Variants in SRPRB observed in about 807,000 individuals in gnomAD.
SRPRB encodes SRP receptor subunit beta.
In SRPRB, 20 loss-of-function variants were observed where a neutral mutation model predicts 31.9. The ratio of observed to expected loss-of-function variants is 0.63; its 90% CI spans 0.44 to 0.91. The LOEUF is 0.91. Ranked by LOEUF, SRPRB falls within the 40% of genes least tolerant of loss-of-function variation. The probability of loss-of-function intolerance (pLI) is 0.00; values close to 1 mark genes in which losing one functional copy is unlikely to be tolerated. For synonymous variants in SRPRB, 146 were observed against 132.8 expected, an observed-to-expected ratio of 1.10 and a Z score of -0.68; for missense variants, 321 against 324.9, an observed-to-expected ratio of 0.99 and a Z score of 0.09.
downstream of SRPRB, chr3:133,825,100 G>C (rs1369249140): frequency 6.6e-6 from 1 of 152,160 alleles, no homozygotes; most frequent in East Asian, 1.9e-4. Flanking sequence ...GATGCACACA[G>C]ACATCCTTCT....
chr3:133,827,508 G>A (rs1412400328), downstream of SRPRB: 1 of 201,148 alleles, frequency 5.0e-6, no homozygotes, highest in African/African-American at 2.3e-5. Flanking sequence ...ATCAAAAATG[G>A]AAGAGATGGC....
downstream of SRPRB, among the ~76,000 whole-genome samples, chr3:133,821,877 C>A (rs1185721278): frequency 1.3e-5 from 2 of 152,082 alleles, no homozygotes. Context: ...GGGCACACAC[C>A]CTGCTGAGTT....
chr3:133,811,236 C>T, intron 4 of SRPRB, 37 bp downstream of exon 4: 3 of 1,593,412 alleles, frequency 1.9e-6, no homozygotes, highest in Non-Finnish European at 1.7e-6. Context: ...TTGTCTAGGT[C>T]TGTATCTGTA....
chr3:133,816,968 TCTTAACA>T (rs1376042208), intron 6 of SRPRB, 36 bp downstream of exon 6: 1 of 1,548,784 alleles, frequency 6.5e-7, no homozygotes, highest in Non-Finnish European at 8.9e-7. Flanking sequence ...TAATTATATA[TCTTAACA>T]CTTAGACTGT....
chr3:133,797,148 A>C (rs2107960978), intron 1 of SRPRB, among the ~76,000 whole-genome samples: 1 of 152,352 alleles, frequency 6.6e-6, no homozygotes, highest in African/African-American at 2.4e-5. Flanking sequence ...CTAATTTATA[A>C]CATCTAGTCT....
At chr3:133,797,952 G>A (rs1935002952) in intron 1 of SRPRB, among the ~76,000 whole-genome samples, 1 of 152,158 alleles carries the variant, frequency 6.6e-6, no homozygotes. Flanking sequence ...AGGGTGAAGG[G>A]AAGGGCTTTT....
At chr3:133,807,864 TTACTG>T (rs1413227072) in intron 3 of SRPRB, 41 bp downstream of exon 3, 32 of 1,492,560 alleles carry the variant, frequency 2.1e-5, no homozygotes, top group Non-Finnish European at 2.8e-5. Flanking sequence ...CAGTCTTACT[TTACTG>T]TGGTGTGTCA....
chr3:133,800,730 G>A (rs1443327823), intron 1 of SRPRB, among the ~76,000 whole-genome samples: 1 of 152,238 alleles, frequency 6.6e-6, no homozygotes, highest in African/African-American at 2.4e-5. Flanking sequence ...AGGCAGGGAT[G>A]TGAAGCAGGA....
intron 4 of SRPRB, among the ~76,000 whole-genome samples, chr3:133,812,659 C>A (rs1407836442): frequency 6.6e-6 from 1 of 152,144 alleles, no homozygotes; most frequent in Non-Finnish European, 1.5e-5. Flanking sequence ...TGAACATATG[C>A]TGTTGCTGTT....
In SRPRB at chr3:133,819,913, T is replaced by C; in HGVS notation, c.*147T>C. On this transcript the variant is annotated 3_prime_UTR_variant, in exon 7 of 7. Coordinates refer to ENST00000678299, the MANE Select transcript of SRPRB (RefSeq NM_001379313.1). ...GAAACAAAGTACTGTTGAAACCAGC[T>C]TGGAATTTTTTTTTTTTTTTTTTTT... The C allele has an allele frequency of 1.4e-6, 1 of 729,500 alleles. No individual in the cohort carries two copies. Among genetic ancestry groups the C allele is most frequent in the Non-Finnish European group, 2.2e-6 (1 of 461,890 alleles). The allele number at this position is 729,500 out of a possible 1,614,324, so 45.2% of individuals were successfully genotyped here.
chr3:133,791,801 A>T (rs1043820590), intron 1 of SRPRB: 1 of 152,160 alleles, frequency 6.6e-6, no homozygotes, highest in Non-Finnish European at 1.5e-5. Context: ...TGGCTTAGGG[A>T]ATGAGTCCTT....
chr3:133,789,053 G>A (rs1334023737), intron 1 of SRPRB: 1 of 152,284 alleles, frequency 6.6e-6, no homozygotes, highest in Non-Finnish European at 1.5e-5. Flanking sequence ...CGGCACTGGT[G>A]CCCACGTAAG....
At chr3:133,826,124 C>T (rs560994837), downstream of SRPRB, 3 of 152,306 alleles carry the variant, frequency 2.0e-5, no homozygotes, top group South Asian at 4.1e-4. Context: ...GGGCGGAAAC[C>T]GCACGTGCCG....
rs776180109 is a variant in SRPRB at position 133,815,665 on chromosome 3, C to T, written c.486C>T (p.Val162=). Residue 162 remains valine, a synonymous_variant, in exon 5 of 7, where the codon GTC becomes GTT. Transcript: ENST00000678299. ...VKDVAEFLYQ[V]LIDSMGLKNT... Reference sequence around the variant, plus strand: ...ATGTGGCTGAGTTTCTGTATCAAGTCCTCATTGACAGTATGGGTCTGAAGA... The same window carrying T: ...ATGTGGCTGAGTTTCTGTATCAAGTTCTCATTGACAGTATGGGTCTGAAGA... The T allele has an allele frequency of 1.4e-5, 23 of 1,613,806 alleles. No individual in the cohort carries two copies. The Middle Eastern group carries it at 6.6e-4, about 46-fold the overall frequency.
upstream of SRPRB, among the ~76,000 whole-genome samples, chr3:133,802,486 A>G (rs1003956318): frequency 5.9e-5 from 9 of 152,080 alleles, no homozygotes; most frequent in Non-Finnish European, 1.0e-4. Flanking sequence ...TTCATGCCCC[A>G]CTGTCTTCCC....
downstream of SRPRB, among the ~76,000 whole-genome samples, chr3:133,824,058 G>A (rs532895681): frequency 4.6e-5 from 7 of 152,216 alleles, no homozygotes; most frequent in South Asian, 1.2e-3. Flanking sequence ...TTACCCCTTC[G>A]GAGTTGGTGG....
At chr3:133,813,655 C>T (rs1935313575) in intron 4 of SRPRB, among the ~76,000 whole-genome samples, 1 of 151,986 alleles carries the variant, frequency 6.6e-6, no homozygotes, top group Non-Finnish European at 1.5e-5. Flanking sequence ...GCTTTATTAT[C>T]TTAGTTTTGG....
At chr3:133,803,567 CCTT>C (rs1035745715), upstream of SRPRB, among the ~76,000 whole-genome samples, 1 of 152,152 alleles carries the variant, frequency 6.6e-6, no homozygotes, top group African/African-American at 2.4e-5. Flanking sequence ...CTAATACAAC[CCTT>C]AACATCTGTG....
In SRPRB at chr3:133,820,938, G is replaced by C. The variant is rs1935461444; in HGVS notation, c.*1172G>C. On this transcript the variant is annotated 3_prime_UTR_variant, in exon 7 of 7. Coordinates refer to ENST00000678299, the MANE Select transcript of SRPRB (RefSeq NM_001379313.1). ...CAACTAAAGCTTACAAGGAGACCAG[G>C]GTGGCTCTGTCCAGGGGAGAAGCCA... is the stretch of plus-strand genomic sequence containing the variant. The C allele has an allele frequency of 6.6e-6, 1 of 152,334 alleles. No individual in the cohort carries two copies. The highest frequency in any genetic ancestry group is 1.5e-5 in the Non-Finnish European group (1 of 68,182). 9.4% of individuals were successfully genotyped at this position (152,334 alleles called of 1,614,324 possible).
Sources: gnomAD v4.1 joint callset for allele counts (sites outside exome capture counted in the v4.1 genomes callset) on GRCh38, gnomAD v4.1.1 for gene constraint, MANE v1.5 for transcripts, NCBI Gene and HGNC (gene_info 2026-07-23, HGNC 2026-07-21) for gene names.